Variants in PLB1 observed in about 807,000 individuals in gnomAD.
PLB1 encodes phospholipase B1.
In PLB1, 242 loss-of-function variants were observed where a neutral mutation model predicts 227.4. The observed-to-expected ratio is 1.06, with a 90% CI of 0.96 to 1.18. The LOEUF (loss-of-function observed/expected upper bound fraction) is 1.18, where lower values mean the gene tolerates loss of function less well. PLB1 is among the 50% of genes most tolerant of loss of function. The pLI is 0.00. For synonymous variants in PLB1, 757 were observed against 682.2 expected, an observed-to-expected ratio of 1.11 and a Z score of -1.71; for missense variants, 1,858 against 1,816.3, an observed-to-expected ratio of 1.02 and a Z score of -0.42.
chr2:28,630,525 C>T (rs1010739517), intron 53 of PLB1, 61 bp from the exon 54 acceptor site: 2 of 1,481,144 alleles, frequency 1.4e-6, no homozygotes, highest in African/African-American at 1.4e-5. Flanking sequence ...GAGCCAGCCT[C>T]CCAGGAGGAC....
At chr2:28,528,039 G>A (rs145493417) in intron 6 of PLB1, among the ~76,000 whole-genome samples, 203 of 152,276 alleles carry the variant, frequency 1.3e-3, no homozygotes, top group Non-Finnish European at 2.3e-3. Context: ...CAAGCCAATC[G>A]GGGGTTAGAG....
rs375181724 is a variant in PLB1 at position 28,585,790 on chromosome 2, A to G, written c.1763A>G (p.Asp588Gly). The G allele has an allele frequency of 2.1e-5, 34 of 1,612,180 alleles. 1 individual carries two copies. The African/African-American group carries it at 3.2e-4, about 15-fold the overall frequency. ...CTGTGTCCCTGTGTCCTGAAGTTTGATGATAACTCAACAGAACTTGCTACC... is the reference window on the plus strand; with the variant it reads ...CTGTGTCCCTGTGTCCTGAAGTTTGGTGATAACTCAACAGAACTTGCTACC... ...RSLCPCVLKF[D>G]DNSTELATLI... The change falls in exon 26 of 58, where the codon GAT becomes GGT. Residue 588 changes from aspartate to glycine, a missense_variant. Physicochemically the swap from Asp to Gly is moderately conservative, Grantham distance 94 (BLOSUM62 -1). Coordinates refer to ENST00000327757, the MANE Select transcript of PLB1 (RefSeq NM_153021.5).
At chr2:28,530,416 G>A (rs1670864192) in intron 8 of PLB1, among the ~76,000 whole-genome samples, 1 of 152,224 alleles carries the variant, frequency 6.6e-6, no homozygotes, top group Non-Finnish European at 1.5e-5. Flanking sequence ...AGCATTAAAT[G>A]AGGTATTGGA....
intron 24 of PLB1, 45 bp from the exon 25 acceptor site, chr2:28,582,360 C>G: frequency 6.4e-7 from 1 of 1,554,938 alleles, no homozygotes; most frequent in Middle Eastern, 1.7e-4. Context: ...AGGTGAAAGG[C>G]TGCCCAGCCT....
At chr2:28,642,409 G>A (rs965630080) in intron 57 of PLB1, among the ~76,000 whole-genome samples, 6 of 152,116 alleles carry the variant, frequency 3.9e-5, no homozygotes, top group Admixed American at 6.5e-5. Context: ...CTCCCCTCCC[G>A]GCCCTTCTGA....
At chr2:28,634,042 G>C (rs1350685199) in intron 56 of PLB1, among the ~76,000 whole-genome samples, 2 of 152,122 alleles carry the variant, frequency 1.3e-5, no homozygotes, top group African/African-American at 2.4e-5. Context: ...TTTCTCCTTA[G>C]CTATACCATC....
At chr2:28,565,374 G>A in intron 19 of PLB1, 21 bp downstream of exon 19, 2 of 1,587,598 alleles carry the variant, frequency 1.3e-6, no homozygotes, top group Non-Finnish European at 1.7e-6. Context: ...GTGTGGCAAG[G>A]CCCCAAAGGC....
chr2:28,529,627 A>G, intron 7 of PLB1, 101 bp from the exon 8 acceptor site: 2 of 1,267,310 alleles, frequency 1.6e-6, no homozygotes, highest in Admixed American at 1.9e-5. Context: ...GGGTGGATAA[A>G]GCTTAGAGAC....
chr2:28,532,807 T>G (rs1256357474), intron 9 of PLB1, among the ~76,000 whole-genome samples: 1 of 152,256 alleles, frequency 6.6e-6, no homozygotes, highest in Non-Finnish European at 1.5e-5. Flanking sequence ...TGAAGTAGAC[T>G]GTATCTTCCA....
chr2:28,578,518 G>A (rs1252050678), intron 22 of PLB1, among the ~76,000 whole-genome samples: 4 of 152,202 alleles, frequency 2.6e-5, no homozygotes, highest in South Asian at 2.1e-4. Context: ...AGAAGGGACC[G>A]GCGCCTCTGC....
intron 14 of PLB1, among the ~76,000 whole-genome samples, chr2:28,544,551 G>A (rs1364773006): frequency 6.6e-6 from 1 of 152,206 alleles, no homozygotes; most frequent in Non-Finnish European, 1.5e-5. Context: ...CCCACCAAAT[G>A]TGGCTTCTGT....
intron 33 of PLB1, chr2:28,595,125 T>C (rs1682690685): frequency 6.6e-6 from 1 of 152,174 alleles, no homozygotes; most frequent in Non-Finnish European, 1.5e-5. Flanking sequence ...GATTCAGATA[T>C]GAACCAGCAG....
intron 17 of PLB1, among the ~76,000 whole-genome samples, chr2:28,559,150 G>A (rs773647241): frequency 5.3e-5 from 8 of 152,196 alleles, no homozygotes; most frequent in African/African-American, 9.7e-5. Context: ...AGGTCCAAGC[G>A]CAGTACTTGA....
At chr2:28,610,656 CATCTGGTTTG>C (rs2148313396) in intron 43 of PLB1, among the ~76,000 whole-genome samples, 1 of 152,254 alleles carries the variant, frequency 6.6e-6, no homozygotes, top group South Asian at 2.1e-4. Flanking sequence ...GGTGACTGTA[CATCTGGTTTG>C]ATCCAACCAG....
chr2:28,589,275 G>C (rs1038301093), intron 26 of PLB1, among the ~76,000 whole-genome samples, 175 bp from the exon 27 acceptor site: 1 of 152,132 alleles, frequency 6.6e-6, no homozygotes, highest in Non-Finnish European at 1.5e-5. Context: ...TGAGATAAAG[G>C]CTGATCTAAA....
rs751096402 is a variant in PLB1 at position 28,589,979 on chromosome 2, C to T, written c.2017-26C>T. ...CCATTCTGGCCGCCTCTTCCTCACT[C>T]CCCATCTCCCTGCTTCTTTGTTTAG... On this transcript the variant is annotated intron_variant, in intron 28 of 57. Coordinates refer to ENST00000327757, the MANE Select transcript of PLB1 (RefSeq NM_153021.5). The T allele has an allele frequency of 3.1e-6, 5 of 1,603,358 alleles. 1 individual carries two copies. The South Asian group carries it at 4.4e-5, about 14-fold the overall frequency.
chr2:28,608,127 T>G (rs1684939418), intron 43 of PLB1, among the ~76,000 whole-genome samples: 1 of 152,186 alleles, frequency 6.6e-6, no homozygotes, highest in African/African-American at 2.4e-5. Flanking sequence ...CTGCACTGAT[T>G]TGCAGAGGTG....
chr2:28,630,700 G>C (rs192153162), intron 54 of PLB1, 36 bp downstream of exon 54: 1 of 1,570,360 alleles, frequency 6.4e-7, no homozygotes, highest in Non-Finnish European at 8.7e-7. Context: ...TGACCCAGCT[G>C]GGGGGCCCCC....
chr2:28,610,972 T>C (rs1210910265), intron 43 of PLB1, among the ~76,000 whole-genome samples: 1 of 152,194 alleles, frequency 6.6e-6, no homozygotes, highest in Admixed American at 6.5e-5. Flanking sequence ...TCATCTGCTT[T>C]GGCTCCAGGC....
Sources: gnomAD v4.1 joint callset for allele counts (sites outside exome capture counted in the v4.1 genomes callset) on GRCh38, gnomAD v4.1.1 for gene constraint, MANE v1.5 for transcripts, NCBI Gene and HGNC (gene_info 2026-07-23, HGNC 2026-07-21) for gene names.